The following TJP2 variants were observed in gnomAD, a reference collection of about 807,000 sequenced individuals.
TJP2 encodes tight junction protein 2, also known as Friedreich ataxia region gene X104 (tight junction protein ZO-2).
Under a neutral mutation model 133.1 loss-of-function variants are expected in TJP2, and 91 were observed. The observed-to-expected ratio is 0.68, with a 90% confidence interval of 0.58 to 0.81. TJP2 has a LOEUF of 0.81. TJP2 is among the 40% of genes least tolerant of loss of function. The pLI is 0.00. For missense variants in TJP2, 1,541 were observed against 1,565.6 expected (o/e 0.98, Z 0.26); for synonymous variants, 592 against 583.4 (o/e 1.01, Z -0.21).
At chr9:69,229,040 A>G (rs2133335410) in intron 9 of TJP2, 144 bp from the exon 10 acceptor site, 1 of 774,454 alleles carries the variant, frequency 1.3e-6, no homozygotes, top group East Asian at 2.5e-5. Flanking sequence ...CTTCAGAGTT[A>G]AACGGCACTT....
intron 2 of TJP2, among the ~76,000 whole-genome samples, chr9:69,161,471 T>C (rs1824069142): frequency 6.6e-6 from 1 of 151,918 alleles, no homozygotes. Flanking sequence ...TCGTGATCCA[T>C]CCGCTTCAGC....
chr9:69,184,556 T>C (rs1354121462), intron 1 of TJP2, among the ~76,000 whole-genome samples: 1 of 152,152 alleles, frequency 6.6e-6, no homozygotes, highest in Non-Finnish European at 1.5e-5. Flanking sequence ...ACCTCGCTGG[T>C]AGAACCCTGT....
At chr9:69,216,140 A>G (rs1205443650) in intron 2 of TJP2, among the ~76,000 whole-genome samples, 199 bp from the exon 3 acceptor site, 1 of 152,134 alleles carries the variant, frequency 6.6e-6, no homozygotes, top group Non-Finnish European at 1.5e-5. Context: ...TGTTTCTTTC[A>G]GATAAGGAAT....
chr9:69,128,524 AT>A (rs149373683), intron 1 of TJP2, among the ~76,000 whole-genome samples: 5,707 of 121,262 alleles, frequency 0.047, 357 homozygotes, highest in African/African-American at 0.16. Flanking sequence ...TTATTAGACC[AT>A]TTTTTTTTTT....
intron 17 of TJP2, among the ~76,000 whole-genome samples, chr9:69,244,139 G>A (rs919669586): frequency 7.8e-5 from 11 of 141,648 alleles, no homozygotes; most frequent in Admixed American, 5.3e-4. Context: ...AGCCGAGATT[G>A]CACTACAGCA....
chr9:69,177,586 T>G lies in TJP2; in HGVS notation c.60+3154T>G, dbSNP rs753048569. Among the ~76,000 whole-genome samples, 73 of 152,124 alleles carry G rather than the reference T, an allele frequency of 4.8e-4. 1 individual carries two copies. The highest frequency in any genetic ancestry group is 9.2e-4 in the Admixed American group (14 of 15,272). On this transcript the variant is annotated intron_variant, in intron 1 of 22. Transcript: ENST00000377245. The stretch of plus-strand genomic sequence containing the variant: ...GTGTGATAGCAATGGAAAAAAAAAT[T>G]CAGGCATGGAAATCCAATATGCAGT...
Position 69,237,070 on chromosome 9 carries a change from G to T in TJP2, c.2113G>T (p.Asp705Tyr). 6.2e-7 allele frequency: 1 copy of T among 1,614,174 alleles called. No individual in the cohort carries two copies. Among genetic ancestry groups the T allele is most frequent in the Non-Finnish European group, 8.5e-7 (1 of 1,180,038 alleles). ...GAAGAACCTGAGGAAAAGTCGGGAAGACCTCACAGCTGTTGTGTCTGTCAG... is the reference window on the plus strand; with the variant it reads ...GAAGAACCTGAGGAAAAGTCGGGAATACCTCACAGCTGTTGTGTCTGTCAG... ...VKKNLRKSREDLTAVVSVSTK... is the reference protein window; with the variant it reads ...VKKNLRKSREYLTAVVSVSTK... The change falls in exon 14 of 23, where the codon GAC (aspartate) becomes TAC (tyrosine). Residue 705 changes from aspartate (D) to tyrosine (Y), a missense_variant. Coordinates refer to ENST00000377245, the MANE Select transcript of TJP2 (RefSeq NM_004817.4).
At chr9:69,145,929 G>A (rs1036043574) in intron 1 of TJP2, 2 of 518,512 alleles carry the variant, frequency 3.9e-6, no homozygotes, top group Non-Finnish European at 3.0e-6. Flanking sequence ...TAATAAATGA[G>A]TTCTTCATTA....
intron 1 of TJP2, among the ~76,000 whole-genome samples, chr9:69,174,909 GTTTTTTT>G (rs35641843): frequency 2.2e-5 from 3 of 139,286 alleles, no homozygotes; most frequent in Admixed American, 7.1e-5. Context: ...AGTAAAAGTT[GTTTTTTT>G]TTTTTTTTTT....
At chr9:69,198,033 T>G (rs1452307880) in intron 1 of TJP2, among the ~76,000 whole-genome samples, 5 of 152,202 alleles carry the variant, frequency 3.3e-5, no homozygotes, top group Non-Finnish European at 5.9e-5. Flanking sequence ...GGCGCAGTCT[T>G]GGATGGAGGT....
At chr9:69,212,674 C>T in intron 2 of TJP2, 73 bp downstream of exon 2, 1 of 1,327,540 alleles carries the variant, frequency 7.5e-7, no homozygotes, top group South Asian at 1.2e-5. Flanking sequence ...TATTTATTTT[C>T]ACCTACACAC....
intron 1 of TJP2, among the ~76,000 whole-genome samples, chr9:69,151,480 C>A (rs79441829): frequency 1.7e-3 from 218 of 126,018 alleles, no homozygotes; most frequent in Admixed American, 1.8e-3. Flanking sequence ...AACTCCGTCT[C>A]AAAAAAAAAA....
At chr9:69,194,283 C>G (rs896680131) in intron 1 of TJP2, among the ~76,000 whole-genome samples, 1 of 151,936 alleles carries the variant, frequency 6.6e-6, no homozygotes, top group African/African-American at 2.4e-5. Context: ...TTTCTTAATA[C>G]CTGGCATTCT....
intron 1 of TJP2, among the ~76,000 whole-genome samples, chr9:69,174,735 C>CTCGTGTCTGTTGTG (rs1824936429): frequency 6.6e-6 from 1 of 151,626 alleles, no homozygotes; most frequent in Non-Finnish European, 1.5e-5. Flanking sequence ...TTGGAGGCAT[C>CTCGTGTCTGTTGTG]TCGTGTCTGT....
chr9:69,137,329 CTTTTTTTT>C (rs751674133), intron 1 of TJP2, among the ~76,000 whole-genome samples: 4 of 111,772 alleles, frequency 3.6e-5, no homozygotes, highest in African/African-American at 1.1e-4. Context: ...CTTTTCTTTT[CTTTTTTTT>C]TTTTGAGACA....
In TJP2 at chr9:69,254,052, G is replaced by A. The variant is rs11137733; in HGVS notation, c.3408-157G>A. ...GGATTTGACCTATTACGAACCTGGA[G>A]CAGGACCAGGGATGCCCTGGTTGCT... is the stretch of plus-strand genomic sequence containing the variant. On this transcript the variant is annotated intron_variant, in intron 22 of 22. Coordinates refer to ENST00000377245, the MANE Select transcript of TJP2 (RefSeq NM_004817.4). 1,051 of 858,804 alleles carry A rather than the reference G, an allele frequency of 1.2e-3. 13 individuals carry two copies. In the East Asian group the frequency reaches 0.019, roughly 16 times the overall value. 53.2% of individuals were successfully genotyped at this position (858,804 alleles called of 1,614,324 possible).
chr9:69,190,429 A>G (rs1218874725), intron 1 of TJP2, among the ~76,000 whole-genome samples: 1 of 152,250 alleles, frequency 6.6e-6, no homozygotes, highest in Non-Finnish European at 1.5e-5. Context: ...TTTAGGTAAA[A>G]ATATAACCAG....
intron 21 of TJP2, 109 bp downstream of exon 21, chr9:69,251,473 C>CCTGCCTTTGGTGCAG: frequency 8.4e-7 from 1 of 1,196,080 alleles, no homozygotes; most frequent in Non-Finnish European, 1.2e-6. Context: ...CAGGGATGCA[C>CCTGCCTTTGGTGCAG]TGCACCAAAG....
chr9:69,165,323 A>C (rs1824292224), intron 2 of TJP2, among the ~76,000 whole-genome samples: 1 of 151,884 alleles, frequency 6.6e-6, no homozygotes, highest in African/African-American at 2.4e-5. Context: ...TTTTTTGTAG[A>C]GACAGGGTCT....
Sources: gnomAD v4.1 joint callset for allele counts (sites outside exome capture counted in the v4.1 genomes callset) on GRCh38, gnomAD v4.1.1 for gene constraint, MANE v1.5 for transcripts, NCBI Gene and HGNC (gene_info 2026-07-23, HGNC 2026-07-21) for gene names.